Variants in PIAS1 observed in about 807,000 individuals in gnomAD.
The protein encoded by PIAS1 is E3 SUMO-protein ligase PIAS1.
PIAS1 carries 6 observed loss-of-function variants against 71.3 expected under a neutral mutation model. That is an observed-to-expected ratio of 0.08 (90% CI 0.05 to 0.17). PIAS1 has a LOEUF of 0.17. Among genes scored for constraint, PIAS1 ranks in the 10% least tolerant of loss-of-function variants. The pLI is 1.00. For synonymous variants in PIAS1, 303 were observed against 292.9 expected, an observed-to-expected ratio of 1.03 and a Z score of -0.35; for missense variants, 555 against 793.6, an observed-to-expected ratio of 0.70 and a Z score of 3.61.
chr15:68,193,672 G>C lies in PIAS1; in HGVS notation c.*5837G>C, dbSNP rs960751267. The C allele has an allele frequency of 3.1e-5, 7 of 227,474 alleles. No individual in the cohort carries two copies. The highest frequency in any genetic ancestry group is 5.2e-5 in the Non-Finnish European group (6 of 114,790). 14.1% of individuals were successfully genotyped at this position (227,474 alleles called of 1,614,324 possible). ...TAAGAAGTGGGAATCCAGCTTGTGTGGGGGGGCTTTGAGGAGTGAAATGAT... is the reference window on the plus strand; with the variant it reads ...TAAGAAGTGGGAATCCAGCTTGTGTCGGGGGGCTTTGAGGAGTGAAATGAT... On this transcript the variant is annotated 3_prime_UTR_variant, in exon 14 of 14. Coordinates refer to ENST00000249636, the MANE Select transcript of PIAS1 (RefSeq NM_016166.3).
intron 2 of PIAS1, among the ~76,000 whole-genome samples, chr15:68,105,719 C>A (rs1020893665): frequency 1.3e-5 from 2 of 152,124 alleles, no homozygotes; most frequent in African/African-American, 4.8e-5. Context: ...CACCTGTAGT[C>A]CCAGCTACTT....
intron 2 of PIAS1, among the ~76,000 whole-genome samples, chr15:68,112,838 G>C (rs1174330997): frequency 7.0e-5 from 4 of 56,798 alleles, no homozygotes; most frequent in Non-Finnish European, 1.4e-4. Flanking sequence ...TGCCCATTCT[G>C]TTTCTAAGAG....
At chr15:68,166,173 G>A (rs1373375046) in intron 8 of PIAS1, among the ~76,000 whole-genome samples, 5 of 151,724 alleles carry the variant, frequency 3.3e-5, no homozygotes, top group Admixed American at 6.6e-5. Context: ...TTCCTGTAAC[G>A]TTTATTTTTA....
intron 4 of PIAS1, among the ~76,000 whole-genome samples, chr15:68,142,653 A>G (rs964452316): frequency 9.9e-5 from 14 of 141,020 alleles, no homozygotes; most frequent in African/African-American, 2.7e-4. Flanking sequence ...TTAGATTTCA[A>G]TATAGCAAGT....
intron 11 of PIAS1, 39 bp from the exon 12 acceptor site, chr15:68,181,173 C>T (rs763144019): frequency 6.3e-7 from 1 of 1,596,504 alleles, no homozygotes; most frequent in South Asian, 1.1e-5. Context: ...GAGAGTTTAA[C>T]TGGCTAATGA....
chr15:68,167,100 C>T lies in PIAS1; in HGVS notation c.1008+2296C>T, dbSNP rs923114491. On this transcript the variant is annotated intron_variant, in intron 8 of 13. Transcript: ENST00000249636. This position sits in a 1 kb window ranked among gnomAD's most constrained non-coding sequence, Gnocchi z 4.4. ...CCTTGGCCTCCCTTGGGATTACAGG[C>T]GTGAGCCACCACACCTGGCCAGCAG... Among the ~76,000 whole-genome samples, 2 of 152,164 alleles carry T rather than the reference C, an allele frequency of 1.3e-5. No individual in the cohort carries two copies. Among genetic ancestry groups the T allele is most frequent in the Admixed American group, 6.5e-5 (1 of 15,280 alleles).
chr15:68,067,444 T>C (rs2092041668), intron 1 of PIAS1, among the ~76,000 whole-genome samples: 1 of 151,590 alleles, frequency 6.6e-6, no homozygotes, highest in Non-Finnish European at 1.5e-5. Flanking sequence ...TTTTTTTTTC[T>C]TTTTGTCCTT....
chr15:68,077,354 G>A (rs1039787748), intron 1 of PIAS1, among the ~76,000 whole-genome samples: 4 of 152,194 alleles, frequency 2.6e-5, no homozygotes, highest in African/African-American at 9.6e-5. Flanking sequence ...GAGTACTATG[G>A]ACTGCAGAAT....
chr15:68,071,963 A>T (rs1329160112), intron 1 of PIAS1, among the ~76,000 whole-genome samples: 1 of 151,754 alleles, frequency 6.6e-6, no homozygotes, highest in African/African-American at 2.4e-5. Context: ...AAAGAAAATT[A>T]AAAAAGGTGA....
chr15:68,081,579 G>A (rs1322662549), intron 1 of PIAS1, among the ~76,000 whole-genome samples: 1 of 152,056 alleles, frequency 6.6e-6, no homozygotes, highest in Non-Finnish European at 1.5e-5. Context: ...ATAACAAAAT[G>A]TAGAGGAAAA....
At chr15:68,150,291 A>G (rs1328909051) in intron 6 of PIAS1, among the ~76,000 whole-genome samples, 1 of 152,138 alleles carries the variant, frequency 6.6e-6, no homozygotes, top group African/African-American at 2.4e-5. Context: ...GAGGAGGGGA[A>G]TATGGCCGCT....
intron 2 of PIAS1, among the ~76,000 whole-genome samples, chr15:68,096,164 G>A (rs1391223575): frequency 6.6e-6 from 1 of 152,142 alleles, no homozygotes; most frequent in Non-Finnish European, 1.5e-5. Context: ...GAAACTATAT[G>A]TTTGAATAAA....
At chr15:68,077,524 C>G (rs912783231) in intron 1 of PIAS1, among the ~76,000 whole-genome samples, 6 of 152,168 alleles carry the variant, frequency 3.9e-5, no homozygotes, top group Admixed American at 2.0e-4. Flanking sequence ...ATTCCTAGAG[C>G]TTTTCGCTAA....
Position 68,174,037 on chromosome 15 carries a change from A to T in PIAS1, c.1169+145A>T. 2.1e-6 allele frequency: 1 copy of T among 471,980 alleles called. No homozygotes were observed. The highest frequency in any genetic ancestry group is 3.6e-6 in the Non-Finnish European group (1 of 277,664). 29.2% of individuals were successfully genotyped at this position (471,980 alleles called of 1,614,324 possible). ...CAAACCAATATTTTCAAAGTAATTT[A>T]TTTCAAATTAGTGTTATGAATATTT... is the stretch of plus-strand genomic sequence containing the variant. On this transcript the variant is annotated intron_variant, in intron 9 of 13. Coordinates refer to ENST00000249636, the MANE Select transcript of PIAS1 (RefSeq NM_016166.3). The surrounding 1 kb of genome is among the most constrained non-coding windows in gnomAD (Gnocchi z 4.0).
intron 10 of PIAS1, among the ~76,000 whole-genome samples, chr15:68,176,138 A>T (rs565034001): frequency 2.0e-5 from 3 of 152,104 alleles, no homozygotes; most frequent in Admixed American, 6.5e-5. Context: ...AGACACTATG[A>T]GTTTTGAAAA....
chr15:68,168,394 T>C (rs993251266), intron 8 of PIAS1, among the ~76,000 whole-genome samples: 4 of 152,216 alleles, frequency 2.6e-5, no homozygotes, highest in Non-Finnish European at 5.9e-5. Context: ...TTTTTAAAAA[T>C]ATAAGTTGGT....
chr15:68,156,966 A>G (rs1451795256), intron 7 of PIAS1, among the ~76,000 whole-genome samples: 1 of 152,200 alleles, frequency 6.6e-6, no homozygotes, highest in Non-Finnish European at 1.5e-5. Flanking sequence ...TACGTAAGAG[A>G]TGATAATGTC....
At position 68,171,033 on chromosome 15, in the gene PIAS1, C is replaced by T. The variant is rs1234576093; in HGVS notation, c.1009-2699C>T. The stretch of plus-strand genomic sequence containing the variant: ...TAGCTTAAAACACAAGCACATTGTA[C>T]AGCTGTACAAAAATATTTTCTTTCT... On this transcript the variant is annotated intron_variant, in intron 8 of 13. Transcript: ENST00000249636. This position sits in a 1 kb window ranked among gnomAD's most constrained non-coding sequence, Gnocchi z 4.4. Among the ~76,000 whole-genome samples the T allele has an allele frequency of 6.8e-6, 1 of 146,724 alleles. No homozygotes were observed. Among genetic ancestry groups the T allele is most frequent in the Non-Finnish European group, 1.5e-5 (1 of 65,218 alleles).
At position 68,188,157 on chromosome 15, in the gene PIAS1, A is replaced by G. The variant is rs2093100424; in HGVS notation, c.*322A>G. On this transcript the variant is annotated 3_prime_UTR_variant, in exon 14 of 14. Transcript: ENST00000249636. ...TTCTGGATTCTGAAGATTTTTCATT[A>G]TTTGTCCTATGGTTTTGGTTTTATT... 1.6e-5 allele frequency: 3 copies of G among 187,064 alleles called. No homozygotes were observed. Among genetic ancestry groups the G allele is most frequent in the Non-Finnish European group, 3.4e-5 (3 of 89,530 alleles). The allele number at this position is 187,064 out of a possible 1,614,324, so 11.6% of individuals were successfully genotyped here. A position where few individuals can be genotyped will look rare whatever the true frequency, so the allele number is the denominator to read the frequency against.
Sources: allele counts gnomAD v4.1 joint callset (sites outside exome capture counted in the v4.1 genomes callset), GRCh38; gene constraint gnomAD v4.1.1; non-coding constraint Gnocchi (gnomAD v3.1); transcripts MANE v1.5; gene names NCBI Gene and HGNC (gene_info 2026-07-23, HGNC 2026-07-21).